The following TYW1B variants were observed in gnomAD, a reference collection of about 807,000 sequenced individuals.
TYW1B encodes tRNA-yW synthesizing protein 1 homolog B, also known as S-adenosyl-L-methionine-dependent tRNA 4-demethylwyosine synthase TYW1B.
In TYW1B, 73 loss-of-function variants were observed where a neutral mutation model predicts 86.9. The observed-to-expected ratio is 0.84, with a 90% confidence interval of 0.70 to 1.02. The LOEUF (loss-of-function observed/expected upper bound fraction) is 1.02, where lower values mean the gene tolerates loss of function less well. TYW1B is among the 50% of genes least tolerant of loss of function. The probability of loss-of-function intolerance (pLI) is 0.00; values close to 1 mark genes in which losing one functional copy is unlikely to be tolerated. For synonymous variants in TYW1B, 248 were observed against 292.8 expected, an observed-to-expected ratio of 0.85 and a Z score of 1.56; for missense variants, 637 against 827.4, an observed-to-expected ratio of 0.77 and a Z score of 2.82.
intron 10 of TYW1B, among the ~76,000 whole-genome samples, chr7:72,710,989 T>G (rs766189332): frequency 2.6e-5 from 4 of 152,124 alleles, no homozygotes; most frequent in Admixed American, 6.6e-5. Context: ...CCACCTCCCT[T>G]TCTAGCTTCA....
At chr7:72,609,143 A>G (rs1811871066) in intron 13 of TYW1B, among the ~76,000 whole-genome samples, 1 of 152,220 alleles carries the variant, frequency 6.6e-6, no homozygotes, top group Non-Finnish European at 1.5e-5. Context: ...TAATTGTTTT[A>G]AAGTAAAGAC....
intron 8 of TYW1B, among the ~76,000 whole-genome samples, chr7:72,731,769 A>G (rs3015863): frequency 0.69 from 105,281 of 151,604 alleles, 37,394 homozygotes; most frequent in Non-Finnish European, 0.77. Context: ...CGGTGAAACC[A>G]CGTCTCTACT....
Position 72,713,855 on chromosome 7 carries a change from G to A in TYW1B, c.1193-57C>T, listed in dbSNP as rs1786726442. On this transcript the variant is annotated intron_variant, in intron 9 of 13. Coordinates refer to ENST00000620995, the MANE Select transcript of TYW1B (RefSeq NM_001145440.3). Reference sequence around the variant, plus strand: ...ATAAGGCACAGATAGAGGATGTCACGTTTTTCTTAATGATGCTTTGATTTT... The same window carrying A: ...ATAAGGCACAGATAGAGGATGTCACATTTTTCTTAATGATGCTTTGATTTT... The A allele has an allele frequency of 2.0e-5, 29 of 1,485,488 alleles. No individual in the cohort carries two copies. In the South Asian group the frequency reaches 2.6e-4, roughly 13 times the overall value. 92.0% of individuals were successfully genotyped at this position (1,485,488 alleles called of 1,614,324 possible).
In TYW1B at chr7:72,722,066, C is replaced by G. The variant is rs182435557; in HGVS notation, c.1192+6756G>C. On this transcript the variant is annotated intron_variant, in intron 9 of 13. Coordinates refer to ENST00000620995, the MANE Select transcript of TYW1B (RefSeq NM_001145440.3). ...CCGGGCCAAAAATCTTCCCAACAACCTGTCCTGACTAAAAGTCATAAATAA... is the reference window on the plus strand; with the variant it reads ...CCGGGCCAAAAATCTTCCCAACAACGTGTCCTGACTAAAAGTCATAAATAA... Among the ~76,000 whole-genome samples the G allele has an allele frequency of 7.2e-5, 11 of 152,302 alleles. 1 individual carries two copies. In the East Asian group the frequency reaches 2.1e-3, roughly 29 times the overall value.
chr7:72,608,068 C>T (rs1811845922), intron 13 of TYW1B, among the ~76,000 whole-genome samples: 1 of 152,188 alleles, frequency 6.6e-6, no homozygotes, highest in African/African-American at 2.4e-5. Context: ...ATCCAGAATA[C>T]TTTACCTACC....
intron 7 of TYW1B, among the ~76,000 whole-genome samples, chr7:72,761,555 C>A (rs1554467179): frequency 6.7e-6 from 1 of 148,948 alleles, no homozygotes; most frequent in East Asian, 1.9e-4. Flanking sequence ...TGTGCCACTG[C>A]ACTCCAGTCT....
At chr7:72,740,793 T>C (rs1182652083) in intron 8 of TYW1B, among the ~76,000 whole-genome samples, 3 of 149,670 alleles carry the variant, frequency 2.0e-5, no homozygotes, top group South Asian at 2.2e-4. Flanking sequence ...TGCAGTGGCG[T>C]GATCTCGGCT....
rs58301724 is a variant in TYW1B, at chr7:72,779,712, C to CAAAAAAAA, written c.847-2187_847-2180dup. Among the ~76,000 whole-genome samples, 161 of 64,008 alleles carry CAAAAAAAA rather than the reference C, an allele frequency of 2.5e-3. 2 individuals are homozygous for CAAAAAAAA. Among genetic ancestry groups the CAAAAAAAA allele is most frequent in the Middle Eastern group, 0.014 (1 of 70 alleles). The allele number at this position is 64,008 out of a possible 152,430, so 42.0% of individuals were successfully genotyped here. ...AGCCTGGGCGACAGAGACTCTGCCT[C>CAAAAAAAA]AAAAAAAAAAAAAAAAAAAAATTAA... is the stretch of plus-strand genomic sequence containing the variant. On this transcript the variant is annotated intron_variant, in intron 6 of 13. Transcript: ENST00000620995.
At chr7:72,709,148 A>C (rs1416994337) in intron 10 of TYW1B, among the ~76,000 whole-genome samples, 1 of 152,316 alleles carries the variant, frequency 6.6e-6, no homozygotes, top group East Asian at 1.9e-4. Context: ...TCCTAGCAGT[A>C]ATCTGCAGAT....
chr7:72,805,910 A>G (rs561053494), intron 5 of TYW1B, among the ~76,000 whole-genome samples: 1 of 152,270 alleles, frequency 6.6e-6, no homozygotes, highest in African/African-American at 2.4e-5. Flanking sequence ...CCAAAAGATA[A>G]CAGCTGTGAA....
rs576112762 is a variant in TYW1B at position 72,676,964 on chromosome 7, A to C, written c.1506+17723T>G. ...CAGAGCGAGAGACTGTCTCAAAAAA[A>C]AAACCAAACAAACCAAAAAACTGTT... On this transcript the variant is annotated intron_variant, in intron 11 of 13. Coordinates refer to ENST00000620995, the MANE Select transcript of TYW1B (RefSeq NM_001145440.3). 9.2e-4 allele frequency among the ~76,000 whole-genome samples: 140 copies of C among 152,248 alleles called. 1 individual carries two copies. Among genetic ancestry groups the C allele is most frequent in the African/African-American group, 3.1e-3 (129 of 41,544 alleles).
At chr7:72,629,846 G>C (rs1233004994) in intron 11 of TYW1B, among the ~76,000 whole-genome samples, 1 of 152,118 alleles carries the variant, frequency 6.6e-6, no homozygotes, top group African/African-American at 2.4e-5. Flanking sequence ...AGCCAAGCTA[G>C]ATTTCTGAAA....
chr7:72,660,561 A>G (rs1446872880), intron 11 of TYW1B, among the ~76,000 whole-genome samples: 1 of 152,190 alleles, frequency 6.6e-6, no homozygotes, highest in Non-Finnish European at 1.5e-5. Context: ...CGACACAATG[A>G]TTCTTGTTTG....
intron 13 of TYW1B, among the ~76,000 whole-genome samples, chr7:72,598,666 A>T (rs1323392231): frequency 1.3e-5 from 2 of 152,228 alleles, no homozygotes; most frequent in Non-Finnish European, 2.9e-5. Flanking sequence ...TATTACAAGT[A>T]AGAGTGGGCT....
intron 11 of TYW1B, among the ~76,000 whole-genome samples, chr7:72,680,308 C>T (rs1409081771): frequency 2.0e-5 from 3 of 152,122 alleles, no homozygotes; most frequent in Admixed American, 2.0e-4. Flanking sequence ...GGGTGGGCAC[C>T]ATCTAATCAG....
intron 11 of TYW1B, among the ~76,000 whole-genome samples, chr7:72,683,012 T>C (rs1211583220): frequency 1.3e-5 from 2 of 152,204 alleles, no homozygotes; most frequent in Non-Finnish European, 2.9e-5. Context: ...ACAGGAACCA[T>C]TTGACATGTG....
chr7:72,799,590 C>T (rs1378513349), intron 6 of TYW1B, among the ~76,000 whole-genome samples: 4 of 152,040 alleles, frequency 2.6e-5, no homozygotes, highest in African/African-American at 7.2e-5. Context: ...CTCAGCCTCC[C>T]AAGTAGCTGG....
At chr7:72,621,992 C>T (rs565436469) in intron 12 of TYW1B, among the ~76,000 whole-genome samples, 1 of 152,232 alleles carries the variant, frequency 6.6e-6, no homozygotes, top group African/African-American at 2.4e-5. Context: ...AGGGTGCCAA[C>T]AGTAAGTAGT....
intron 6 of TYW1B, among the ~76,000 whole-genome samples, chr7:72,799,151 CTTTTTTTTTTTTTTT>C (rs1309407026): frequency 1.7e-5 from 1 of 58,558 alleles, no homozygotes; most frequent in Admixed American, 2.3e-4. Context: ...CCGGGTCTGC[CTTTTTTTTTTTTTTT>C]TTTTTTTTTT....
Sources: gnomAD v4.1 joint callset for allele counts (sites outside exome capture counted in the v4.1 genomes callset) on GRCh38, gnomAD v4.1.1 for gene constraint, MANE v1.5 for transcripts, NCBI Gene and HGNC (gene_info 2026-07-23, HGNC 2026-07-21) for gene names.